TENM1: variants seen among roughly 807,000 people sequenced by gnomAD.
TENM1 encodes the protein teneurin transmembrane protein 1.
In TENM1, 35 loss-of-function variants were observed where a neutral mutation model predicts 174.8. The observed-to-expected ratio is 0.20, with a 90% CI of 0.15 to 0.27. The LOEUF (loss-of-function observed/expected upper bound fraction) is 0.27, where lower values mean the gene tolerates loss of function less well. Ranked by LOEUF, TENM1 falls within the 10% of genes least tolerant of loss-of-function variation. The probability of loss-of-function intolerance (pLI) is 1.00; values close to 1 mark genes in which losing one functional copy is unlikely to be tolerated. For missense variants in TENM1, 1,633 were observed against 2,130.1 expected (o/e 0.77, Z 4.59); for synonymous variants, 781 against 798.7 (o/e 0.98, Z 0.37).
At chrX:124,472,040 A>C (rs751669013) in intron 22 of TENM1, among the ~76,000 whole-genome samples, 1 of 108,232 alleles carries the variant, frequency 9.2e-6, no homozygotes, top group Non-Finnish European at 1.9e-5. Flanking sequence ...GGTCTGCTTT[A>C]ACTATCAACA....
chrX:125,097,792 T>A, the TENM1 span, among the ~76,000 whole-genome samples: 2 of 112,289 alleles, frequency 1.8e-5, no homozygotes, highest in African/African-American at 6.5e-5. Flanking sequence ...TCAAGCAATT[T>A]AAATTTCCAG....
rs1197236683 is a variant in TENM1, at chrX:124,414,206, G to A, written c.4982+6105C>T. Among the ~76,000 whole-genome samples, 4 of 111,667 alleles carry A rather than the reference G, an allele frequency of 3.6e-5. No individual in the cohort carries two copies. In the South Asian group the frequency reaches 1.1e-3, roughly 32 times the overall value. On this transcript the variant is annotated intron_variant, in intron 25 of 31. Transcript: ENST00000422452. Reference sequence around the variant, plus strand: ...CGAAGGATCAAGAGATCATGTAAACGGAGAGTCTCCTTCAAGTGGGAGGGC... The same window carrying A: ...CGAAGGATCAAGAGATCATGTAAACAGAGAGTCTCCTTCAAGTGGGAGGGC...
chrX:124,616,238 C>T (rs935477810), intron 11 of TENM1, among the ~76,000 whole-genome samples: 19 of 112,813 alleles, frequency 1.7e-4, no homozygotes, highest in African/African-American at 5.5e-4. Context: ...CATTTTCAGG[C>T]GATGCCTGGA....
At chrX:124,997,288 T>C in the TENM1 span, among the ~76,000 whole-genome samples, 1 of 111,512 alleles carries the variant, frequency 9.0e-6, no homozygotes, top group Non-Finnish European at 1.9e-5. Flanking sequence ...CTCTTCAAAG[T>C]GAATGAGCTG....
chrX:124,477,213 C>T (rs1245197815), intron 22 of TENM1, among the ~76,000 whole-genome samples: 1 of 111,774 alleles, frequency 8.9e-6, no homozygotes, highest in Non-Finnish European at 1.9e-5. Flanking sequence ...CAGAATCTTC[C>T]AAAGAGAAGT....
intron 11 of TENM1, among the ~76,000 whole-genome samples, chrX:124,621,250 T>C (rs1461725297): frequency 3.6e-5 from 4 of 111,598 alleles, no homozygotes; most frequent in Non-Finnish European, 7.5e-5. Flanking sequence ...GGCGGGCGGA[T>C]CACATGAGGT....
chrX:124,711,308 G>A (rs1569406279), intron 4 of TENM1, among the ~76,000 whole-genome samples: 2 of 111,812 alleles, frequency 1.8e-5, no homozygotes. Flanking sequence ...GGGAAAATGT[G>A]CTCTCTATTT....
chrX:124,934,693 A>C (rs2147729682), intron 1 of TENM1, among the ~76,000 whole-genome samples: 1 of 111,865 alleles, frequency 8.9e-6, no homozygotes, highest in African/African-American at 3.3e-5. Flanking sequence ...TAGGAGCAGT[A>C]GAAACAAAAG....
At chrX:125,202,771 T>C in the TENM1 span, among the ~76,000 whole-genome samples, 1 of 110,957 alleles carries the variant, frequency 9.0e-6, no homozygotes, top group Non-Finnish European at 1.9e-5. Flanking sequence ...AATGTTTAAA[T>C]ACACTCCTGA....
At chrX:124,627,255 A>G (rs892608127) in intron 11 of TENM1, among the ~76,000 whole-genome samples, 2 of 111,446 alleles carry the variant, frequency 1.8e-5, no homozygotes, top group Non-Finnish European at 3.8e-5. Context: ...ATGGATATAT[A>G]CACTCTGTCC....
At chrX:124,389,967 G>T (rs114522075) in intron 28 of TENM1, among the ~76,000 whole-genome samples, 2,956 of 111,723 alleles carry the variant, frequency 0.026, 106 homozygotes, top group African/African-American at 0.092. Flanking sequence ...AGGAACAAAA[G>T]TGAACTCAAA....
chrX:124,987,957 T>C, the TENM1 span, among the ~76,000 whole-genome samples: 437 of 111,158 alleles, frequency 3.9e-3, 4 homozygotes, highest in African/African-American at 0.013. Context: ...TTTACCAGAG[T>C]TGAAAGGTGT....
rs141230750 is a variant in TENM1, at chrX:124,906,545, G to A, written c.218-10304C>T. On this transcript the variant is annotated intron_variant, in intron 1 of 31. Coordinates refer to ENST00000422452, the Ensembl canonical transcript of TENM1. ...AAAGTTATATGTACACTTACCATAT[G>A]ATCTAACTATTCCAACCCTCAATAT... Among the ~76,000 whole-genome samples, 486 of 111,531 alleles carry A rather than the reference G, an allele frequency of 4.4e-3. 2 individuals are homozygous for A. Among genetic ancestry groups the A allele is most frequent in the African/African-American group, 0.015 (462 of 30,746 alleles).
chrX:124,613,688 T>A (rs1282776198), intron 11 of TENM1, among the ~76,000 whole-genome samples: 1 of 111,845 alleles, frequency 8.9e-6, no homozygotes, highest in Non-Finnish European at 1.9e-5. Context: ...TCAATGTTTT[T>A]TTCTACAGCT....
At chrX:124,599,831 G>A (rs186620491) in intron 11 of TENM1, among the ~76,000 whole-genome samples, 2 of 110,255 alleles carry the variant, frequency 1.8e-5, no homozygotes, top group African/African-American at 3.3e-5. Context: ...ATATATAAAG[G>A]ATAAGGGGAT....
the TENM1 span, among the ~76,000 whole-genome samples, chrX:125,154,415 A>G: frequency 0.039 from 4,326 of 112,066 alleles, 201 homozygotes; most frequent in African/African-American, 0.13. Context: ...TGGAAGTTAC[A>G]GCAAGAGTAT....
intron 11 of TENM1, among the ~76,000 whole-genome samples, chrX:124,587,857 G>A (rs1441008232): frequency 9.9e-5 from 11 of 111,078 alleles, no homozygotes; most frequent in Non-Finnish European, 1.5e-4. Flanking sequence ...AAAACAAACA[G>A]CCCCATCAAA....
At chrX:124,541,163 C>G (rs1457863991) in intron 15 of TENM1, among the ~76,000 whole-genome samples, 2 of 112,036 alleles carry the variant, frequency 1.8e-5, no homozygotes, top group African/African-American at 6.5e-5. Context: ...TATTTAAGGT[C>G]CTAATATCAT....
At chrX:125,108,500 C>G in the TENM1 span, among the ~76,000 whole-genome samples, 1 of 110,890 alleles carries the variant, frequency 9.0e-6, no homozygotes, top group South Asian at 3.9e-4. Context: ...GTGGGCAGAT[C>G]ACCTGAGGTC....
Sources: gnomAD v4.1 joint callset for allele counts (sites outside exome capture counted in the v4.1 genomes callset) on GRCh38, gnomAD v4.1.1 for gene constraint, MANE v1.5 for transcripts, NCBI Gene and HGNC (gene_info 2026-07-23, HGNC 2026-07-21) for gene names.